KNDC1: variants seen among roughly 807,000 people sequenced by gnomAD.
The protein encoded by KNDC1 is kinase non-catalytic C-lobe domain-containing protein 1.
A neutral mutation model predicts 172.8 loss-of-function variants in KNDC1; 106 were observed. The observed-to-expected ratio is 0.61, with a 90% CI of 0.52 to 0.72. The LOEUF is 0.72. KNDC1 is among the 30% of genes least tolerant of loss of function. KNDC1 has a pLI of 0.00. For synonymous variants in KNDC1, 1,083 were observed against 1,062.2 expected (o/e 1.02, Z -0.38); for missense variants, 2,325 against 2,394.5 (o/e 0.97, Z 0.61).
Position 133,168,296 on chromosome 10 carries a change from C to T in KNDC1, c.344C>T (p.Thr115Ile). The change falls in exon 3 of 30, where the codon ACC (threonine) becomes ATC (isoleucine). Residue 115 changes from threonine (T) to isoleucine (I), a missense_variant. Transcript: ENST00000304613. ...GAFVPPEFDV[T>I]GNTFEAHIYS... ...TTCGTTCCCCCCGAGTTCGACGTGA[C>T]CGGGAACACCTTTGAGGTAAGTGCA... The T allele has an allele frequency of 6.2e-7, 1 of 1,614,158 alleles. No homozygotes were observed. The highest frequency in any genetic ancestry group is 8.5e-7 in the Non-Finnish European group (1 of 1,179,998).
intron 3 of KNDC1, chr10:133,179,385 AT>A (rs1853650443): frequency 6.6e-6 from 1 of 152,154 alleles, no homozygotes. Flanking sequence ...TGCAGCCGCA[AT>A]TCTTCTTTGA....
At chr10:133,211,299 AG>A in intron 21 of KNDC1, 122 bp from the exon 22 acceptor site, 1 of 810,324 alleles carries the variant, frequency 1.2e-6, no homozygotes, top group Non-Finnish European at 1.8e-6. Context: ...CAGCCCCCTA[AG>A]CCCCCTGCAC....
rs1317730620 is a variant in KNDC1 at position 133,163,207 on chromosome 10, T to C, written c.102+2638T>C. On this transcript the variant is annotated intron_variant, in intron 1 of 29. Coordinates refer to ENST00000304613, the MANE Select transcript of KNDC1 (RefSeq NM_152643.8). This position sits in a 1 kb window ranked among gnomAD's most constrained non-coding sequence, Gnocchi z 4.4. ...GCTGGCTGCCCCATGGGAATTCAGA[T>C]GAGACGAAGAGGGTGCACCGGTTTG... Among the ~76,000 whole-genome samples, 2 of 152,100 alleles carry C rather than the reference T, an allele frequency of 1.3e-5. No individual in the cohort carries two copies. The highest frequency in any genetic ancestry group is 4.8e-5 in the African/African-American group (2 of 41,408).
In KNDC1 at chr10:133,220,362, C is replaced by A. The variant is rs868560272; in HGVS notation, c.5018+250C>A. Among the ~76,000 whole-genome samples the A allele has an allele frequency of 1.5e-3, 37 of 24,004 alleles. 2 individuals are homozygous for A. The highest frequency in any genetic ancestry group is 2.1e-3 in the Non-Finnish European group (28 of 13,232). 15.7% of individuals were successfully genotyped at this position (24,004 alleles called of 152,430 possible). On this transcript the variant is annotated intron_variant, in intron 29 of 29. Transcript: ENST00000304613. ...GAGAGGAGGGGCTCAGGCGGGCGCG[C>A]GCCCAGGTGAGGAGGGGCTCAGGCG...
rs1852952719 is a variant in KNDC1 at position 133,161,073 on chromosome 10, C to G, written c.102+504C>G. On this transcript the variant is annotated intron_variant, in intron 1 of 29. Coordinates refer to ENST00000304613, the MANE Select transcript of KNDC1 (RefSeq NM_152643.8). ...TTCCGGGCCTTCACCCAAGACCCCCCTACCCCGCAAGGTGCAGAGGGGCTC... is the reference window on the plus strand; with the variant it reads ...TTCCGGGCCTTCACCCAAGACCCCCGTACCCCGCAAGGTGCAGAGGGGCTC... Among the ~76,000 whole-genome samples, 4 of 152,204 alleles carry G rather than the reference C, an allele frequency of 2.6e-5. No individual in the cohort carries two copies. The South Asian group carries it at 8.3e-4, about 32-fold the overall frequency.
intron 15 of KNDC1, 88 bp from the exon 16 acceptor site, chr10:133,200,286 AC>A: frequency 1.0e-6 from 1 of 966,866 alleles, no homozygotes; most frequent in Non-Finnish European, 1.5e-6. Flanking sequence ...CTCCGCATAG[AC>A]GTGTGGGCCT....
At chr10:133,207,945 C>A (rs1845249221) in intron 20 of KNDC1, among the ~76,000 whole-genome samples, 1 of 152,196 alleles carries the variant, frequency 6.6e-6, no homozygotes, top group South Asian at 2.1e-4. Context: ...CCTGCATGGG[C>A]CCCTGGGCTG....
At chr10:133,175,628 T>C (rs1367364700) in intron 3 of KNDC1, among the ~76,000 whole-genome samples, 1 of 148,168 alleles carries the variant, frequency 6.7e-6, no homozygotes, top group African/African-American at 2.5e-5. Flanking sequence ...GGCAGATGGA[T>C]TGATGAGTGT....
chr10:133,205,474 C>T (rs3008378), intron 17 of KNDC1, among the ~76,000 whole-genome samples: 67,028 of 152,120 alleles, frequency 0.44, 15,821 homozygotes, highest in East Asian at 0.62. Flanking sequence ...GGGCAGGTTC[C>T]GGAGAATCAC....
chr10:133,218,073 AAAAG>A (rs1420505219), intron 26 of KNDC1, among the ~76,000 whole-genome samples: 1 of 152,102 alleles, frequency 6.6e-6, no homozygotes, highest in African/African-American at 2.4e-5. Flanking sequence ...AAAAAAAAAA[AAAAG>A]AGTCGATCCG....
chr10:133,164,145 C>T (rs1211701447), intron 1 of KNDC1: 3 of 152,614 alleles, frequency 2.0e-5, no homozygotes, highest in Non-Finnish European at 4.4e-5. Flanking sequence ...TTCGTGGCCA[C>T]ACAATTGCAA....
chr10:133,202,813 C>T lies in KNDC1; in HGVS notation c.3387+915C>T, dbSNP rs1011183858. The T allele has an allele frequency of 1.2e-4, 45 of 379,976 alleles. 2 individuals are homozygous for T. Among genetic ancestry groups the T allele is most frequent in the South Asian group, 7.2e-4 (37 of 51,292 alleles). 23.5% of individuals were successfully genotyped at this position (379,976 alleles called of 1,614,324 possible). A position where few individuals can be genotyped will look rare whatever the true frequency, so the allele number is the denominator to read the frequency against. On this transcript the variant is annotated intron_variant, in intron 17 of 29. Transcript: ENST00000304613. Reference sequence around the variant, plus strand: ...CAGCTTCTGGGCCACGTGAAAGACCCGCATGGTGCTACAGCCTCTGCACCT... The same window carrying T: ...CAGCTTCTGGGCCACGTGAAAGACCTGCATGGTGCTACAGCCTCTGCACCT...
intron 15 of KNDC1, among the ~76,000 whole-genome samples, chr10:133,200,120 A>G (rs1219021927): frequency 2.0e-5 from 3 of 151,928 alleles, no homozygotes; most frequent in African/African-American, 7.3e-5. Flanking sequence ...GAGCAAGGGC[A>G]CCCACCCCAG....
chr10:133,175,218 G>T (rs762810235), intron 3 of KNDC1, among the ~76,000 whole-genome samples: 1 of 149,136 alleles, frequency 6.7e-6, no homozygotes, highest in Non-Finnish European at 1.5e-5. Flanking sequence ...TATGTGGATG[G>T]ATGGGTGGAT....
rs1253633771 is a variant in KNDC1 at position 133,188,538 on chromosome 10, G to T, written c.1327-1G>T. On this transcript the variant is annotated splice_acceptor_variant, in intron 6 of 29. Coordinates refer to ENST00000304613, the MANE Select transcript of KNDC1 (RefSeq NM_152643.8). LOFTEE classifies it high-confidence loss of function. The stretch of plus-strand genomic sequence containing the variant: ...TGACCTCGCCGCTCTCCTGCCCACA[G>T]TGGGTGTCCCTGCAGGACCTCCTGT... 6.4e-7 allele frequency: 1 copy of T among 1,554,682 alleles called. No individual in the cohort carries two copies. Among genetic ancestry groups the T allele is most frequent in the Admixed American group, 1.9e-5 (1 of 52,620 alleles).
At chr10:133,167,997 A>G (rs1853232445) in intron 2 of KNDC1, among the ~76,000 whole-genome samples, 1 of 152,106 alleles carries the variant, frequency 6.6e-6, no homozygotes, top group Non-Finnish European at 1.5e-5. Context: ...CCGGGAGCTG[A>G]TTTTCCCTGG....
chr10:133,206,683 A>T lies in KNDC1; in HGVS notation c.3388-2A>T, dbSNP rs73388582. On this transcript the variant is annotated splice_acceptor_variant, in intron 17 of 29. Coordinates refer to ENST00000304613, the MANE Select transcript of KNDC1 (RefSeq NM_152643.8). LOFTEE classifies it high-confidence loss of function. ...GGCTTAGGCGCTGTGTTTCGTCCCCAGGAGCTGGAACAGCAGCTCATGATG... is the reference window on the plus strand; with the variant it reads ...GGCTTAGGCGCTGTGTTTCGTCCCCTGGAGCTGGAACAGCAGCTCATGATG... 2 of 1,613,590 alleles carry T rather than the reference A, an allele frequency of 1.2e-6. No individual in the cohort carries two copies. The highest frequency in any genetic ancestry group is 2.7e-5 in the African/African-American group (2 of 75,058).
chr10:133,196,591 T>C (rs1854198027), intron 10 of KNDC1, among the ~76,000 whole-genome samples: 1 of 152,226 alleles, frequency 6.6e-6, no homozygotes, highest in South Asian at 2.1e-4. Flanking sequence ...CCTCCTCTGC[T>C]GCAGGAGGAT....
Position 133,189,768 on chromosome 10 carries a change from C to G in KNDC1, c.1530C>G (p.Phe510Leu), listed in dbSNP as rs749729827. 4 of 1,614,072 alleles carry G rather than the reference C, an allele frequency of 2.5e-6. No individual in the cohort carries two copies. The highest frequency in any genetic ancestry group is 3.4e-6 in the Non-Finnish European group (4 of 1,180,006). ...PPPANGSYDSFFLAPELAEER... is the reference protein window; with the variant it reads ...PPPANGSYDSLFLAPELAEER... ...CTCTCTTAGGTTCCTATGACTCGTT[C>G]TTTCTGGCTCCCGAGCTGGCAGAGG... The change falls in exon 9 of 30, where the codon TTC (phenylalanine) becomes TTG (leucine). Residue 510 changes from phenylalanine to leucine, a missense_variant. Phe to Leu is a conservative substitution (Grantham distance 22). Coordinates refer to ENST00000304613, the MANE Select transcript of KNDC1 (RefSeq NM_152643.8).
Sources: gnomAD v4.1 joint callset for allele counts (sites outside exome capture counted in the v4.1 genomes callset) on GRCh38, gnomAD v4.1.1 for gene constraint, Gnocchi (gnomAD v3.1) non-coding constraint, MANE v1.5 for transcripts, NCBI Gene and HGNC (gene_info 2026-07-23, HGNC 2026-07-21) for gene names.